Variants in ELAVL2 observed in about 807,000 individuals in gnomAD.
The protein encoded by ELAVL2 is ELAV-like protein 2.
In ELAVL2, 4 loss-of-function variants were observed where a neutral mutation model predicts 34.6. That is an observed-to-expected ratio of 0.12 (90% CI 0.06 to 0.26). The LOEUF is 0.26. Among genes scored for constraint, ELAVL2 ranks in the 10% least tolerant of loss-of-function variants. The pLI, the probability that ELAVL2 is intolerant of heterozygous loss-of-function variation, is 1.00. For synonymous variants in ELAVL2, 193 were observed against 154.8 expected (o/e 1.25, Z -1.83); for missense variants, 432 against 442.8 (o/e 0.98, Z 0.22).
At chr9:23,779,490 G>T (rs2058742380) in intron 1 of ELAVL2, 2 of 826,406 alleles carry the variant, frequency 2.4e-6, no homozygotes, top group African/African-American at 1.9e-5. Context: ...GGCTTCCTTA[G>T]ACTCAGAAAC....
At chr9:23,742,872 C>T (rs2049596763) in intron 2 of ELAVL2, among the ~76,000 whole-genome samples, 1 of 152,066 alleles carries the variant, frequency 6.6e-6, no homozygotes, top group African/African-American at 2.4e-5. Context: ...TTCCTCTAAA[C>T]TTAAAATAGT....
At chr9:23,762,918 T>C (rs1354613237) in intron 1 of ELAVL2, among the ~76,000 whole-genome samples, 2 of 152,102 alleles carry the variant, frequency 1.3e-5, no homozygotes, top group Admixed American at 1.3e-4. Flanking sequence ...GAATGAGCTA[T>C]GAATACTTTG....
At chr9:23,731,185 CT>C (rs1361586958) in intron 2 of ELAVL2, 60 bp from the exon 3 acceptor site, 10 of 1,475,976 alleles carry the variant, frequency 6.8e-6, no homozygotes, top group Non-Finnish European at 9.2e-6. Flanking sequence ...CAGAGATCAA[CT>C]TTCATTTTGG....
chr9:23,808,724 A>T (rs1380422882), intron 1 of ELAVL2, among the ~76,000 whole-genome samples: 5 of 152,208 alleles, frequency 3.3e-5, no homozygotes, highest in African/African-American at 4.8e-5. Context: ...AAATTGCCAC[A>T]TTTCTTTGAG....
intron 1 of ELAVL2, among the ~76,000 whole-genome samples, chr9:23,803,700 TAGG>T (rs2061851300): frequency 6.6e-6 from 1 of 152,034 alleles, no homozygotes; most frequent in African/African-American, 2.4e-5. Flanking sequence ...CCTTACATGC[TAGG>T]AGTACACCAC....
intron 2 of ELAVL2, among the ~76,000 whole-genome samples, chr9:23,755,503 TA>T (rs2053331027): frequency 6.6e-6 from 1 of 151,962 alleles, no homozygotes; most frequent in Non-Finnish European, 1.5e-5. Context: ...AATGAAAAAA[TA>T]ATTAAGTTTA....
At chr9:23,848,510 G>A in the ELAVL2 span, among the ~76,000 whole-genome samples, 1 of 152,162 alleles carries the variant, frequency 6.6e-6, no homozygotes, top group Non-Finnish European at 1.5e-5. Context: ...TTTGGAAGCT[G>A]ACTGCATAAG....
intron 3 of ELAVL2, among the ~76,000 whole-genome samples, chr9:23,706,694 G>C (rs758332805): frequency 7.9e-5 from 12 of 152,152 alleles, no homozygotes; most frequent in Non-Finnish European, 1.3e-4. Flanking sequence ...GATAACTACT[G>C]CCTGCTCATT....
At chr9:23,731,222 CA>C in intron 2 of ELAVL2, 97 bp from the exon 3 acceptor site, 1 of 904,872 alleles carries the variant, frequency 1.1e-6, no homozygotes. Context: ...TTAACACCAG[CA>C]TATTTCCTCA....
chr9:23,691,042 T>C lies in ELAVL2; in HGVS notation c.*1515A>G, dbSNP rs985776692. 8 of 152,542 alleles carry C rather than the reference T, an allele frequency of 5.2e-5. No homozygotes were observed. The highest frequency in any genetic ancestry group is 7.4e-5 in the Non-Finnish European group (5 of 67,986). 9.4% of individuals were successfully genotyped at this position (152,542 alleles called of 1,614,324 possible). A position where few individuals can be genotyped will look rare whatever the true frequency, so the allele number is the denominator to read the frequency against. ...TACTCATTTTTTTATACCACAAACA[T>C]ATTTATAAACCAAAATGTAGCATCA... is the stretch of plus-strand genomic sequence containing the variant. On this transcript the variant is annotated 3_prime_UTR_variant, in exon 7 of 7. Transcript: ENST00000397312.
At chr9:23,772,534 C>CAAAAAAAAAAAAAAAA (rs11450267) in intron 1 of ELAVL2, among the ~76,000 whole-genome samples, 1 of 67,658 alleles carries the variant, frequency 1.5e-5, no homozygotes, top group African/African-American at 5.1e-5. Flanking sequence ...CAGCTTACAC[C>CAAAAAAAAAAAAAAAA]AAAAAAAAAA....
At chr9:23,773,078 A>T (rs555866841) in intron 1 of ELAVL2, among the ~76,000 whole-genome samples, 48 of 152,152 alleles carry the variant, frequency 3.2e-4, no homozygotes, top group Non-Finnish European at 5.3e-4. Context: ...AAAGTGGGGG[A>T]GGGGGAGAAT....
intron 2 of ELAVL2, among the ~76,000 whole-genome samples, chr9:23,750,174 A>G (rs920515119): frequency 6.6e-6 from 1 of 152,152 alleles, no homozygotes; most frequent in African/African-American, 2.4e-5. Context: ...TATCAAATAG[A>G]GTAAGAAACT....
At chr9:23,756,893 G>T (rs1479859585) in intron 2 of ELAVL2, among the ~76,000 whole-genome samples, 3 of 152,082 alleles carry the variant, frequency 2.0e-5, no homozygotes, top group African/African-American at 7.2e-5. Flanking sequence ...GATTCAGTAG[G>T]CCTGGACAGA....
chr9:23,759,002 G>A (rs1290611559), intron 2 of ELAVL2, among the ~76,000 whole-genome samples: 1 of 151,944 alleles, frequency 6.6e-6, no homozygotes, highest in Non-Finnish European at 1.5e-5. Flanking sequence ...ATGAAAAATG[G>A]TATGAAAGTT....
chr9:23,717,262 G>C (rs746596750), intron 3 of ELAVL2, among the ~76,000 whole-genome samples: 2 of 152,100 alleles, frequency 1.3e-5, no homozygotes, highest in Non-Finnish European at 2.9e-5. Context: ...ACTTCATCTT[G>C]ATACCATTTG....
chr9:23,834,007 T>A, the ELAVL2 span, among the ~76,000 whole-genome samples: 2 of 151,974 alleles, frequency 1.3e-5, no homozygotes, highest in Non-Finnish European at 2.9e-5. Flanking sequence ...TTTTTCCTAA[T>A]CTTTGACAAA....
intron 5 of ELAVL2, among the ~76,000 whole-genome samples, chr9:23,699,919 C>G (rs548011648): frequency 6.2e-5 from 9 of 146,298 alleles, no homozygotes; most frequent in Non-Finnish European, 1.3e-4. Context: ...ACAGTACCAC[C>G]TCTTCTCCCA....
At chr9:23,839,478 A>G in the ELAVL2 span, among the ~76,000 whole-genome samples, 89 of 152,240 alleles carry the variant, frequency 5.8e-4, 1 homozygote, top group South Asian at 0.018. Flanking sequence ...CAAGAGGAAA[A>G]CTGTATAAAC....
Sources: gnomAD v4.1 joint callset for allele counts (sites outside exome capture counted in the v4.1 genomes callset) on GRCh38, gnomAD v4.1.1 for gene constraint, MANE v1.5 for transcripts, NCBI Gene and HGNC (gene_info 2026-07-23, HGNC 2026-07-21) for gene names.